Variants in SORCS3 observed in about 807,000 individuals in gnomAD.
SORCS3 encodes VPS10 domain-containing receptor SorCS3.
A neutral mutation model predicts 146.3 loss-of-function variants in SORCS3; 57 were observed. That is an observed-to-expected ratio of 0.39 (90% confidence interval 0.31 to 0.49). The LOEUF is 0.49. Among genes scored for constraint, SORCS3 ranks in the 20% least tolerant of loss-of-function variants. The probability of loss-of-function intolerance (pLI) is 0.92; values close to 1 mark genes in which losing one functional copy is unlikely to be tolerated. For missense variants in SORCS3, 1,341 were observed against 1,575.5 expected (o/e 0.85, Z 2.52); for synonymous variants, 653 against 618.5 (o/e 1.06, Z -0.83).
At chr10:104,939,309 C>T (rs1036269344) in intron 3 of SORCS3, among the ~76,000 whole-genome samples, 4 of 152,150 alleles carry the variant, frequency 2.6e-5, no homozygotes, top group African/African-American at 4.8e-5. Flanking sequence ...CCTGCTAAGT[C>T]GTAAATGCCC....
chr10:104,930,437 G>A (rs2019195648), intron 3 of SORCS3, among the ~76,000 whole-genome samples: 1 of 152,198 alleles, frequency 6.6e-6, no homozygotes, highest in African/African-American at 2.4e-5. Context: ...CCATGAAAAG[G>A]AATATAGATG....
intron 5 of SORCS3, among the ~76,000 whole-genome samples, chr10:105,059,619 T>C (rs2133716856): frequency 6.6e-6 from 1 of 152,306 alleles, no homozygotes; most frequent in South Asian, 2.1e-4. Context: ...TAATAAATTA[T>C]GCATTCAAGC....
At chr10:104,695,628 A>G (rs1399588849) in intron 1 of SORCS3, among the ~76,000 whole-genome samples, 4 of 151,806 alleles carry the variant, frequency 2.6e-5, no homozygotes, top group Non-Finnish European at 5.9e-5. Context: ...TCCTCTCTAC[A>G]TGTGTGATCA....
At chr10:105,081,838 A>G (rs976565873) in intron 5 of SORCS3, among the ~76,000 whole-genome samples, 2 of 152,126 alleles carry the variant, frequency 1.3e-5, no homozygotes, top group East Asian at 3.9e-4. Flanking sequence ...TGAGCTCATT[A>G]ATTGTTATCC....
intron 7 of SORCS3, among the ~76,000 whole-genome samples, chr10:105,129,495 A>C (rs2056002436): frequency 6.6e-6 from 1 of 151,976 alleles, no homozygotes; most frequent in Admixed American, 6.6e-5. Flanking sequence ...TTTCACCTGA[A>C]GCTCTGGCGT....
chr10:104,667,955 G>A (rs539387377), intron 1 of SORCS3, among the ~76,000 whole-genome samples: 1 of 152,256 alleles, frequency 6.6e-6, no homozygotes, highest in South Asian at 2.1e-4. Flanking sequence ...TTCCATTTGT[G>A]TCACCTTGCT....
At chr10:105,051,546 T>C (rs546455235) in intron 5 of SORCS3, among the ~76,000 whole-genome samples, 43 of 152,130 alleles carry the variant, frequency 2.8e-4, no homozygotes, top group Admixed American at 5.9e-4. Flanking sequence ...TTTAGGCTAT[T>C]CATATATTAT....
At chr10:105,031,280 C>G (rs949756601) in intron 4 of SORCS3, among the ~76,000 whole-genome samples, 1 of 151,238 alleles carries the variant, frequency 6.6e-6, no homozygotes, top group Non-Finnish European at 1.5e-5. Context: ...GTCTGGGCAA[C>G]AAGGGTGAGA....
At chr10:104,876,129 A>G (rs1171206815) in intron 2 of SORCS3, among the ~76,000 whole-genome samples, 1 of 152,182 alleles carries the variant, frequency 6.6e-6, no homozygotes, top group Non-Finnish European at 1.5e-5. Flanking sequence ...AAAACAGTGA[A>G]GCCTGCTGAC....
intron 3 of SORCS3, among the ~76,000 whole-genome samples, chr10:104,925,245 G>A (rs1215232906): frequency 6.6e-6 from 1 of 152,128 alleles, no homozygotes; most frequent in Non-Finnish European, 1.5e-5. Context: ...AACTCAAAAT[G>A]CTTTAATTTT....
intron 4 of SORCS3, 76 bp downstream of exon 4, chr10:104,977,569 A>G: frequency 1.5e-6 from 2 of 1,370,738 alleles, no homozygotes; most frequent in South Asian, 2.9e-5. Flanking sequence ...TGCTTAATCC[A>G]CATTTTGGAG....
intron 4 of SORCS3, among the ~76,000 whole-genome samples, chr10:104,986,516 A>C (rs775628571): frequency 6.6e-6 from 1 of 152,224 alleles, no homozygotes; most frequent in Non-Finnish European, 1.5e-5. Flanking sequence ...TGCATTCACA[A>C]TGTGGCTGTT....
Position 105,157,123 on chromosome 10 carries a change from C to A in SORCS3, c.1483-15C>A, listed in dbSNP as rs201562588. 1.9e-6 allele frequency: 3 copies of A among 1,613,358 alleles called. No individual in the cohort carries two copies. ...TGGCCCAGCATGGTTCTCCATCTCT[C>A]ACCTTTTTTCCTAGGTAGCAGGTAT... On this transcript the variant is annotated splice_polypyrimidine_tract_variant and intron_variant, in intron 9 of 26. Coordinates refer to ENST00000369701, the MANE Select transcript of SORCS3 (RefSeq NM_014978.3).
At chr10:105,012,700 G>A (rs541671312) in intron 4 of SORCS3, among the ~76,000 whole-genome samples, 12 of 152,198 alleles carry the variant, frequency 7.9e-5, no homozygotes, top group Admixed American at 3.9e-4. Flanking sequence ...CCAGTCAAGC[G>A]TAAGTAAATT....
chr10:105,234,885 C>T (rs2056784376), intron 20 of SORCS3, among the ~76,000 whole-genome samples: 1 of 151,938 alleles, frequency 6.6e-6, no homozygotes. Flanking sequence ...TCTGTGTCTT[C>T]TATGTTTTTT....
chr10:105,211,623 G>A (rs147785924), intron 17 of SORCS3, among the ~76,000 whole-genome samples: 2 of 152,292 alleles, frequency 1.3e-5, no homozygotes, highest in Non-Finnish European at 2.9e-5. Context: ...CTGAAACTCT[G>A]TGACACTGAT....
chr10:104,704,470 C>A (rs1164553037), intron 1 of SORCS3, among the ~76,000 whole-genome samples: 1 of 152,146 alleles, frequency 6.6e-6, no homozygotes, highest in Non-Finnish European at 1.5e-5. Flanking sequence ...AGTCACCATG[C>A]CCCAGCTGAC....
intron 14 of SORCS3, among the ~76,000 whole-genome samples, chr10:105,180,302 A>G (rs562486731): frequency 6.6e-6 from 1 of 152,338 alleles, no homozygotes; most frequent in Non-Finnish European, 1.5e-5. Context: ...CAAGTGGAAA[A>G]CCATATAATA....
intron 1 of SORCS3, among the ~76,000 whole-genome samples, chr10:104,837,030 C>T (rs1435890535): frequency 1.3e-5 from 2 of 152,168 alleles, no homozygotes; most frequent in Non-Finnish European, 2.9e-5. Context: ...TTCCTCTTCT[C>T]AAATCTTATA....
Sources: gnomAD v4.1 joint callset for allele counts (sites outside exome capture counted in the v4.1 genomes callset) on GRCh38, gnomAD v4.1.1 for gene constraint, MANE v1.5 for transcripts, NCBI Gene and HGNC (gene_info 2026-07-23, HGNC 2026-07-21) for gene names.